The following IARS1 variants were observed in gnomAD, a reference collection of about 807,000 sequenced individuals.
IARS1 encodes the protein isoleucyl-tRNA synthetase 1, also known as isoleucine--tRNA ligase, cytoplasmic.
IARS1 carries 124 observed loss-of-function variants against 168.2 expected under a neutral mutation model. That is an observed-to-expected ratio of 0.74 (90% CI 0.64 to 0.86). IARS1 has a LOEUF of 0.86. Ranked by LOEUF, IARS1 falls within the 40% of genes least tolerant of loss-of-function variation. The pLI, the probability that IARS1 is intolerant of heterozygous loss-of-function variation, is 0.00. For synonymous variants in IARS1, 532 were observed against 529.4 expected (o/e 1.00, Z -0.07); for missense variants, 1,452 against 1,515.8 (o/e 0.96, Z 0.70).
intron 30 of IARS1, among the ~76,000 whole-genome samples, chr9:92,236,230 C>T (rs910255744): frequency 6.6e-6 from 1 of 152,116 alleles, no homozygotes; most frequent in Non-Finnish European, 1.5e-5. Context: ...GTGACCCACC[C>T]GCCTTGGCCT....
intron 33 of IARS1, among the ~76,000 whole-genome samples, chr9:92,215,052 T>C (rs894343631): frequency 1.3e-5 from 2 of 152,156 alleles, no homozygotes; most frequent in African/African-American, 4.8e-5. Context: ...GCAGTGGTTC[T>C]CCCAGCATGC....
intron 30 of IARS1, among the ~76,000 whole-genome samples, chr9:92,235,125 G>A (rs1234633929): frequency 1.3e-5 from 2 of 152,176 alleles, no homozygotes; most frequent in Non-Finnish European, 2.9e-5. Context: ...GAGCCACCAA[G>A]CCTGGCTTAT....
At chr9:92,270,094 G>A (rs1335508118) in intron 12 of IARS1, 111 bp from the exon 13 acceptor site, 15 of 614,502 alleles carry the variant, frequency 2.4e-5, no homozygotes, top group Non-Finnish European at 4.4e-5. Flanking sequence ...TTGGCCTTCT[G>A]CTAATATTCA....
At chr9:92,290,656 AATTTTATTTTCGT>A (rs1443113019) in intron 1 of IARS1, among the ~76,000 whole-genome samples, 1 of 152,166 alleles carries the variant, frequency 6.6e-6, no homozygotes, top group African/African-American at 2.4e-5. Context: ...GGCCACAAAT[AATTTTATTTTCGT>A]ATATGGTGTG....
chr9:92,277,837 C>T lies in IARS1; in HGVS notation c.894+26G>A. On this transcript the variant is annotated intron_variant, in intron 9 of 33. Transcript: ENST00000443024. The stretch of plus-strand genomic sequence containing the variant: ...TCAAATAATCAGATTGTGGAGAGCG[C>T]CCACAGTAGCGGTCCCTAAGCTTAC... The T allele has an allele frequency of 1.2e-6, 2 of 1,602,276 alleles. 1 individual carries two copies. Among genetic ancestry groups the T allele is most frequent in the South Asian group, 2.2e-5 (2 of 90,220 alleles).
rs1298240989 is a variant in IARS1, at chr9:92,249,857, C to A, written c.2616+1G>T. 1.3e-6 allele frequency: 2 copies of A among 1,519,306 alleles called. No homozygotes were observed. The highest frequency in any genetic ancestry group is 1.7e-5 in the Admixed American group (1 of 58,484). 94.1% of individuals were successfully genotyped at this position (1,519,306 alleles called of 1,614,324 possible). A position where few individuals can be genotyped will look rare whatever the true frequency, so the allele number is the denominator to read the frequency against. On this transcript the variant is annotated splice_donor_variant, in intron 25 of 33. Coordinates refer to ENST00000443024, the MANE Select transcript of IARS1 (RefSeq NM_002161.6). LOFTEE classifies it high-confidence loss of function. ...AAAAACAGACAAATCATCTACCTTA[C>A]CTCAATGATATACTTCTCCAAAGAC...
chr9:92,234,623 C>A (rs187292577), intron 30 of IARS1, among the ~76,000 whole-genome samples: 1 of 152,170 alleles, frequency 6.6e-6, no homozygotes, highest in African/African-American at 2.4e-5. Context: ...ACTGACCATC[C>A]GATTCCTTCT....
intron 33 of IARS1, among the ~76,000 whole-genome samples, chr9:92,216,008 A>G (rs1246872245): frequency 6.6e-6 from 1 of 151,142 alleles, no homozygotes; most frequent in Non-Finnish European, 1.5e-5. Flanking sequence ...AAAAATGTTA[A>G]GGGCAGCCAG....
chr9:92,270,920 A>G (rs1832935151), intron 12 of IARS1, 65 bp downstream of exon 12: 1 of 1,063,150 alleles, frequency 9.4e-7, no homozygotes, highest in Non-Finnish European at 1.4e-6. Context: ...TGGAATGGGC[A>G]CATATAGTAA....
rs189802824 is a variant in IARS1 at position 92,274,016 on chromosome 9, G to A, written c.990+410C>T. Among the ~76,000 whole-genome samples, 17 of 152,314 alleles carry A rather than the reference G, an allele frequency of 1.1e-4. 1 individual carries two copies. The highest frequency in any genetic ancestry group is 8.5e-4 in the Admixed American group (13 of 15,302). On this transcript the variant is annotated intron_variant, in intron 10 of 33. Coordinates refer to ENST00000443024, the MANE Select transcript of IARS1 (RefSeq NM_002161.6). ...ATTCATACACAAATTACATAAAAAG[G>A]AATGTGTTTTTAGAAAAATTATTCT... is the stretch of plus-strand genomic sequence containing the variant.
intron 19 of IARS1, among the ~76,000 whole-genome samples, chr9:92,258,461 T>C (rs1320039099): frequency 2.0e-5 from 3 of 152,076 alleles, no homozygotes; most frequent in Admixed American, 1.3e-4. Context: ...CCAGGCATGG[T>C]GGTGGGTGCC....
Position 92,247,485 on chromosome 9 carries a change from C to G in IARS1, c.2683G>C (p.Glu895Gln), listed in dbSNP as rs1829383165. Residue 895 changes from glutamate (E) to glutamine (Q), a missense_variant, in exon 26 of 34, where the codon GAA becomes CAA. Physicochemically the swap from Glu to Gln is conservative, Grantham distance 29. Transcript: ENST00000443024. ...KNKYGIRLRA[E>Q]PDHMVLGKRL... ...TTCCCCAGGACCATGTGATCTGGTTCTGCCCTTAGCCGAATGCCATACTTG... is the reference window on the plus strand; with the variant it reads ...TTCCCCAGGACCATGTGATCTGGTTGTGCCCTTAGCCGAATGCCATACTTG... 6.2e-7 allele frequency: 1 copy of G among 1,614,024 alleles called. No individual in the cohort carries two copies. Among genetic ancestry groups the G allele is most frequent in the African/African-American group, 1.3e-5 (1 of 74,920 alleles).
At chr9:92,215,644 A>C (rs1249666202) in intron 33 of IARS1, among the ~76,000 whole-genome samples, 4 of 152,134 alleles carry the variant, frequency 2.6e-5, no homozygotes, top group African/African-American at 9.7e-5. Context: ...TCAGGAGCCG[A>C]TGCGATCAAC....
At chr9:92,267,158 A>G (rs1832402035) in intron 14 of IARS1, among the ~76,000 whole-genome samples, 1 of 152,198 alleles carries the variant, frequency 6.6e-6, no homozygotes, top group East Asian at 1.9e-4. Context: ...AAGAGCTGAG[A>G]GATGGGGCTA....
intron 6 of IARS1, among the ~76,000 whole-genome samples, 166 bp downstream of exon 6, chr9:92,285,556 T>C (rs1835306836): frequency 6.6e-6 from 1 of 152,200 alleles, no homozygotes; most frequent in South Asian, 2.1e-4. Flanking sequence ...AGCCTTAGTA[T>C]ACTAACTGGC....
At chr9:92,230,992 T>C (rs774055212) in intron 30 of IARS1, among the ~76,000 whole-genome samples, 1 of 152,246 alleles carries the variant, frequency 6.6e-6, no homozygotes, top group Non-Finnish European at 1.5e-5. Context: ...ATATGTCTTT[T>C]GTCAAATATG....
At chr9:92,281,024 C>A in intron 6 of IARS1, 131 bp from the exon 7 acceptor site, 1 of 502,408 alleles carries the variant, frequency 2.0e-6, no homozygotes, top group South Asian at 5.5e-5. Context: ...ACCAGACTTA[C>A]AAACAGAAAA....
chr9:92,261,855 AT>A (rs1418317537), intron 17 of IARS1, among the ~76,000 whole-genome samples: 3 of 151,626 alleles, frequency 2.0e-5, no homozygotes, highest in Non-Finnish European at 4.4e-5. Context: ...GGTTCAAGCG[AT>A]TCTTGTGCCT....
intron 9 of IARS1, among the ~76,000 whole-genome samples, chr9:92,275,813 T>G (rs1833703869): frequency 6.6e-6 from 1 of 152,250 alleles, no homozygotes; most frequent in Admixed American, 6.5e-5. Context: ...TCAGTGAACA[T>G]CAGATGATTC....
Sources: gnomAD v4.1 joint callset for allele counts (sites outside exome capture counted in the v4.1 genomes callset) on GRCh38, gnomAD v4.1.1 for gene constraint, MANE v1.5 for transcripts, NCBI Gene and HGNC (gene_info 2026-07-23, HGNC 2026-07-21) for gene names.